Variants in SLC1A4 observed in about 807,000 individuals in gnomAD.
SLC1A4 encodes neutral amino acid transporter A.
Under a neutral mutation model 37.7 loss-of-function variants are expected in SLC1A4, and 19 were observed. The observed-to-expected ratio is 0.50, with a 90% CI of 0.35 to 0.74. The LOEUF is 0.74. Among genes scored for constraint, SLC1A4 ranks in the 30% least tolerant of loss-of-function variants. The pLI is 0.01. For synonymous variants in SLC1A4, 299 were observed against 309.8 expected (o/e 0.97, Z 0.37); for missense variants, 570 against 712.9 (o/e 0.80, Z 2.28).
intron 4 of SLC1A4, chr2:65,011,304 T>C (rs1333984241): frequency 6.6e-6 from 1 of 152,330 alleles, no homozygotes; most frequent in African/African-American, 2.4e-5. Flanking sequence ...TTTGCTCTTA[T>C]TGCCCAGGAT....
At position 65,020,465 on chromosome 2, in the gene SLC1A4, C is replaced by T. The variant is rs145940100; in HGVS notation, c.1365-447C>T. On this transcript the variant is annotated intron_variant, in intron 7 of 7. Coordinates refer to ENST00000234256, the MANE Select transcript of SLC1A4 (RefSeq NM_003038.5). ...TATTTTTTGTAGAGATAGGATCTCA[C>T]TATGTTGCCCAGGCTGGTCTCAAAC... Among the ~76,000 whole-genome samples, 1,160 of 152,262 alleles carry T rather than the reference C, an allele frequency of 7.6e-3. 17 individuals carry two copies. Among genetic ancestry groups the T allele is most frequent in the African/African-American group, 0.026 (1,100 of 41,526 alleles).
intron 4 of SLC1A4, 60 bp downstream of exon 4, chr2:65,010,823 C>G: frequency 6.5e-7 from 1 of 1,548,538 alleles, no homozygotes; most frequent in Non-Finnish European, 8.8e-7. Context: ...AGAAAAGAGT[C>G]CACCTTGCTG....
intron 1 of SLC1A4, chr2:65,000,081 A>G (rs1442931559): frequency 6.6e-6 from 1 of 152,188 alleles, no homozygotes. Context: ...AGCTTCTTAC[A>G]GAAGTAAGAA....
intron 4 of SLC1A4, among the ~76,000 whole-genome samples, chr2:65,012,817 T>C (rs1322139147): frequency 6.6e-6 from 1 of 152,340 alleles, no homozygotes; most frequent in Admixed American, 6.5e-5. Context: ...GGCCAGAGTA[T>C]TGCTTGAGCT....
intron 4 of SLC1A4, among the ~76,000 whole-genome samples, chr2:65,015,501 A>G (rs1674086453): frequency 6.6e-6 from 1 of 152,232 alleles, no homozygotes. Flanking sequence ...ATCCTGGCTT[A>G]AGGATGGTAC....
chr2:65,001,546 T>C (rs1673458312), intron 2 of SLC1A4, 56 bp downstream of exon 2: 2 of 1,496,258 alleles, frequency 1.3e-6, no homozygotes, highest in African/African-American at 2.7e-5. Context: ...AATGTACCAA[T>C]TACTGCTATA....
intron 3 of SLC1A4, among the ~76,000 whole-genome samples, chr2:65,007,754 CATTA>C (rs1673744499): frequency 1.3e-5 from 2 of 152,162 alleles, no homozygotes; most frequent in South Asian, 4.1e-4. Context: ...TAATGTAATA[CATTA>C]ATATAATTTG....
chr2:65,017,763 TTGTTC>T (rs1447449380), intron 5 of SLC1A4, among the ~76,000 whole-genome samples: 1 of 152,242 alleles, frequency 6.6e-6, no homozygotes, highest in Non-Finnish European at 1.5e-5. Context: ...AACTAGTTGT[TTGTTC>T]TCTCGGGAAC....
In SLC1A4 at chr2:65,018,482, G is replaced by C; in HGVS notation, c.1230-63G>C. On this transcript the variant is annotated intron_variant, in intron 6 of 7. Transcript: ENST00000234256. The surrounding 1 kb of genome is among the most constrained non-coding windows in gnomAD (Gnocchi z 4.3). ...CAGCCACATTGCAGCTGCATGGTCT[G>C]CATTTCTCTGTGTCCACTCCACGCT... 1 of 1,594,462 alleles carries C rather than the reference G, an allele frequency of 6.3e-7. No homozygotes were observed.
Position 64,989,614 on chromosome 2 carries a change from C to T in SLC1A4, c.-30C>T, listed in dbSNP as rs1348488367. 2 of 1,457,198 alleles carry T rather than the reference C, an allele frequency of 1.4e-6. No individual in the cohort carries two copies. Among genetic ancestry groups the T allele is most frequent in the Non-Finnish European group, 1.8e-6 (2 of 1,108,726 alleles). The allele number at this position is 1,457,198 out of a possible 1,614,324, so 90.3% of individuals were successfully genotyped here. On this transcript the variant is annotated 5_prime_UTR_variant, in exon 1 of 8. Transcript: ENST00000234256. ...TTTTGCCAGAGCCCACGTCCCCTGC[C>T]ACCTCTAGCTCGGAGCGGCGTGTAG... is the stretch of plus-strand genomic sequence containing the variant.
chr2:64,992,998 C>T (rs1184754853), intron 1 of SLC1A4, among the ~76,000 whole-genome samples: 1 of 152,222 alleles, frequency 6.6e-6, no homozygotes, highest in Non-Finnish European at 1.5e-5. Flanking sequence ...AAATTGCTTC[C>T]TTCAAGGAAA....
upstream of SLC1A4, among the ~76,000 whole-genome samples, chr2:64,989,250 C>G (rs113137939): frequency 3.5e-5 from 3 of 85,098 alleles, no homozygotes; most frequent in African/African-American, 8.3e-5. Context: ...CAGAGGCTCC[C>G]GGCGGCGGCT....
chr2:65,020,878 T>A, intron 7 of SLC1A4, 34 bp from the exon 8 acceptor site: 1 of 1,568,322 alleles, frequency 6.4e-7, no homozygotes. Flanking sequence ...CGCCCAGCAG[T>A]AGATATAATA....
intron 3 of SLC1A4, among the ~76,000 whole-genome samples, chr2:65,005,880 A>G (rs775022302): frequency 2.0e-5 from 3 of 151,764 alleles, no homozygotes; most frequent in Non-Finnish European, 4.4e-5. Flanking sequence ...GCACATGTCC[A>G]TAGTCTCAGC....
chr2:64,996,760 G>C (rs1249808478), intron 1 of SLC1A4, among the ~76,000 whole-genome samples: 1 of 152,200 alleles, frequency 6.6e-6, no homozygotes, highest in Non-Finnish European at 1.5e-5. Flanking sequence ...CTCAGTGACT[G>C]GGCATTGGTG....
chr2:64,994,117 A>G (rs1190983953), intron 1 of SLC1A4, among the ~76,000 whole-genome samples: 1 of 152,258 alleles, frequency 6.6e-6, no homozygotes, highest in African/African-American at 2.4e-5. Context: ...GTTTTAGACT[A>G]CTAATTAATA....
chr2:65,007,627 A>C (rs1673738445), intron 3 of SLC1A4, among the ~76,000 whole-genome samples: 1 of 152,184 alleles, frequency 6.6e-6, no homozygotes, highest in Non-Finnish European at 1.5e-5. Flanking sequence ...CTGACCTCAA[A>C]CACCACACTT....
rs1335669894 is a variant in SLC1A4, at chr2:65,021,819, AG to A, written c.*675del. ...CTTAGATTCTGAGGTCAAAGAAAAA[AG>A]GAGAGGGAATGCAGCCTTGTGGGGG... On this transcript the variant is annotated 3_prime_UTR_variant, in exon 8 of 8. Transcript: ENST00000234256. 1 of 152,748 alleles carries A rather than the reference AG, an allele frequency of 6.5e-6. No individual in the cohort carries two copies. Among genetic ancestry groups the A allele is most frequent in the Non-Finnish European group, 1.5e-5 (1 of 68,492 alleles). The allele number at this position is 152,748 out of a possible 1,614,324, so 9.5% of individuals were successfully genotyped here. A position where few individuals can be genotyped will look rare whatever the true frequency, so the allele number is the denominator to read the frequency against.
At position 64,989,663 on chromosome 2, in the gene SLC1A4, C is replaced by T; in HGVS notation, c.20C>T (p.Thr7Ile). MEKSNETNGYLDSAQAG... is the reference protein window; with the variant it reads MEKSNEINGYLDSAQAG... ...AGCGCCATGGAGAAGAGCAACGAGA[C>T]CAACGGCTACCTTGACAGCGCTCAG... The change falls in exon 1 of 8, where the codon ACC becomes ATC. Residue 7 changes from threonine (T) to isoleucine (I), a missense_variant. Coordinates refer to ENST00000234256, the MANE Select transcript of SLC1A4 (RefSeq NM_003038.5). 1.3e-6 allele frequency: 2 copies of T among 1,538,476 alleles called. No homozygotes were observed. Among genetic ancestry groups the T allele is most frequent in the Non-Finnish European group, 1.7e-6 (2 of 1,149,352 alleles).
Sources: allele counts gnomAD v4.1 joint callset (sites outside exome capture counted in the v4.1 genomes callset), GRCh38; gene constraint gnomAD v4.1.1; non-coding constraint Gnocchi (gnomAD v3.1); transcripts MANE v1.5; gene names NCBI Gene and HGNC (gene_info 2026-07-23, HGNC 2026-07-21).